Variants in SH2B3 observed in about 807,000 individuals in gnomAD.
SH2B3 encodes SH2B adaptor protein 3, also known as SH2B adapter protein 3.
A neutral mutation model predicts 51.9 loss-of-function variants in SH2B3; 43 were observed. The ratio of observed to expected loss-of-function variants is 0.83; its 90% CI spans 0.65 to 1.07. The LOEUF (loss-of-function observed/expected upper bound fraction) is 1.07. Among genes scored for constraint, SH2B3 ranks in the 50% least tolerant of loss-of-function variants. The pLI, the probability that SH2B3 is intolerant of heterozygous loss-of-function variation, is 0.00. For missense variants in SH2B3, 952 were observed against 834.3 expected (o/e 1.14, Z -1.74); for synonymous variants, 396 against 376.0 (o/e 1.05, Z -0.62).
In SH2B3 at chr12:111,416,017, C is replaced by T. The variant is rs541736226; in HGVS notation, c.-27-2102C>T. On this transcript the variant is annotated intron_variant, in intron 1 of 7. Coordinates refer to ENST00000341259, the MANE Select transcript of SH2B3 (RefSeq NM_005475.3). The stretch of plus-strand genomic sequence containing the variant: ...AGTCCAGTGGCGTGATCTCGGCTCA[C>T]TGCAAGCTCCGCCTCCCGGGTTCAT... 3.9e-5 allele frequency among the ~76,000 whole-genome samples: 6 copies of T among 152,244 alleles called. No individual in the cohort carries two copies. In the South Asian group the frequency reaches 1.2e-3, roughly 32 times the overall value.
rs1870533152 is a variant in SH2B3, at chr12:111,409,683, G to T, written c.-28+3406G>T. Among the ~76,000 whole-genome samples, 1 of 152,148 alleles carries T rather than the reference G, an allele frequency of 6.6e-6. No homozygotes were observed. The highest frequency in any genetic ancestry group is 6.5e-5 in the Admixed American group (1 of 15,278). On this transcript the variant is annotated intron_variant, in intron 1 of 7. Transcript: ENST00000341259. This position sits in a 1 kb window ranked among gnomAD's most constrained non-coding sequence, Gnocchi z 4.0. ...TGCACCCCACCTCCCCAGCTTCCCGGGGCTTGAGATCCCTTGGAGACTGAG... is the reference window on the plus strand; with the variant it reads ...TGCACCCCACCTCCCCAGCTTCCCGTGGCTTGAGATCCCTTGGAGACTGAG...
chr12:111,411,528 G>A (rs529767399), intron 1 of SH2B3, among the ~76,000 whole-genome samples: 23 of 152,116 alleles, frequency 1.5e-4, no homozygotes, highest in Non-Finnish European at 2.4e-4. Flanking sequence ...TGATCTCAGC[G>A]GGGCATGGAT....
chr12:111,435,041 A>G lies in SH2B3; in HGVS notation c.733-11712A>G, dbSNP rs901064907. Reference sequence around the variant, plus strand: ...CGTTCTTCGAAGGCAGGCAGTAGCTACCGTTGTCTGGGGCTTTGGGGATCT... The same window carrying G: ...CGTTCTTCGAAGGCAGGCAGTAGCTGCCGTTGTCTGGGGCTTTGGGGATCT... On this transcript the variant is annotated intron_variant, in intron 2 of 7. Transcript: ENST00000341259. This position sits in a 1 kb window ranked among gnomAD's most constrained non-coding sequence, Gnocchi z 4.8. 1 of 1,529,494 alleles carries G rather than the reference A, an allele frequency of 6.5e-7. No homozygotes were observed. Among genetic ancestry groups the G allele is most frequent in the East Asian group, 2.5e-5 (1 of 40,724 alleles). 94.7% of individuals were successfully genotyped at this position (1,529,494 alleles called of 1,614,324 possible).
chr12:111,426,351 T>C (rs1871994844), intron 2 of SH2B3, among the ~76,000 whole-genome samples: 1 of 152,066 alleles, frequency 6.6e-6, no homozygotes, highest in African/African-American at 2.4e-5. Context: ...ATGACCCACC[T>C]TGAGGAAGAA....
chr12:111,412,842 A>T (rs1352758357), intron 1 of SH2B3, among the ~76,000 whole-genome samples: 1 of 152,082 alleles, frequency 6.6e-6, no homozygotes, highest in African/African-American at 2.4e-5. Context: ...AGGTATTGAG[A>T]TTATAGGTGT....
chr12:111,413,637 G>T (rs1870872941), intron 1 of SH2B3, among the ~76,000 whole-genome samples: 1 of 152,236 alleles, frequency 6.6e-6, no homozygotes, highest in South Asian at 2.1e-4. Context: ...GGCCCAGGGG[G>T]CGGGGGAGGT....
intron 2 of SH2B3, chr12:111,434,830 T>C (rs1593060105): frequency 1.3e-6 from 2 of 1,523,586 alleles, no homozygotes; most frequent in Non-Finnish European, 1.8e-6. Flanking sequence ...GCCTGTGACA[T>C]GGTAAACGTT....
chr12:111,435,550 G>A lies in SH2B3; in HGVS notation c.733-11203G>A, dbSNP rs1872794193. ...ATTTTTGAATTTTTAGTAGAGGCAG[G>A]GTTTCACCATGTTGGCCAGGCTGGT... is the stretch of plus-strand genomic sequence containing the variant. On this transcript the variant is annotated intron_variant, in intron 2 of 7. Transcript: ENST00000341259. This position sits in a 1 kb window ranked among gnomAD's most constrained non-coding sequence, Gnocchi z 4.8. Among the ~76,000 whole-genome samples the A allele has an allele frequency of 6.6e-6, 1 of 152,208 alleles. No homozygotes were observed. Among genetic ancestry groups the A allele is most frequent in the South Asian group, 2.1e-4 (1 of 4,830 alleles).
In SH2B3 at chr12:111,406,282, G is replaced by A. The variant is rs572454376; in HGVS notation, c.-28+5G>A. ...CCCAGAGCTCCTGTCTCTCAGGTGAGCCCGCGTTTGCCCGCGCTCCCCTCC... is the reference window on the plus strand; with the variant it reads ...CCCAGAGCTCCTGTCTCTCAGGTGAACCCGCGTTTGCCCGCGCTCCCCTCC... On this transcript the variant is annotated splice_donor_5th_base_variant and intron_variant, in intron 1 of 7. Coordinates refer to ENST00000341259, the MANE Select transcript of SH2B3 (RefSeq NM_005475.3). The surrounding 1 kb of genome is among the most constrained non-coding windows in gnomAD (Gnocchi z 5.7). The A allele has an allele frequency of 2.9e-3, 437 of 152,302 alleles. No individual in the cohort carries two copies. The highest frequency in any genetic ancestry group is 4.1e-3 in the Non-Finnish European group (281 of 68,026). 9.4% of individuals were successfully genotyped at this position (152,302 alleles called of 1,614,324 possible). A position where few individuals can be genotyped will look rare whatever the true frequency, so the allele number is the denominator to read the frequency against.
chr12:111,442,569 G>A (rs186818373), intron 2 of SH2B3, among the ~76,000 whole-genome samples: 173 of 152,332 alleles, frequency 1.1e-3, no homozygotes, highest in Middle Eastern at 0.01. Flanking sequence ...CTCTCCCCAA[G>A]GCTGGTCTGG....
At position 111,409,444 on chromosome 12, in the gene SH2B3, T is replaced by G. The variant is rs769100009; in HGVS notation, c.-28+3167T>G. Among the ~76,000 whole-genome samples, 12 of 152,176 alleles carry G rather than the reference T, an allele frequency of 7.9e-5. No homozygotes were observed. Among genetic ancestry groups the G allele is most frequent in the Non-Finnish European group, 1.8e-4 (12 of 68,014 alleles). ...AAGGGCCCGCGGGCGTTCAGCATCT[T>G]TGACGAGGCAGGGCAGGAAGCCGCT... On this transcript the variant is annotated intron_variant, in intron 1 of 7. Transcript: ENST00000341259. The surrounding 1 kb of genome is among the most constrained non-coding windows in gnomAD (Gnocchi z 4.0).
chr12:111,406,777 A>G lies in SH2B3; in HGVS notation c.-28+500A>G, dbSNP rs1722372120. Among the ~76,000 whole-genome samples, 1 of 152,140 alleles carries G rather than the reference A, an allele frequency of 6.6e-6. No individual in the cohort carries two copies. The highest frequency in any genetic ancestry group is 6.5e-5 in the Admixed American group (1 of 15,274). On this transcript the variant is annotated intron_variant, in intron 1 of 7. Transcript: ENST00000341259. The surrounding 1 kb of genome is among the most constrained non-coding windows in gnomAD (Gnocchi z 5.7). ...ATGTGGCTAAGAGGGTAGCGCCCTG[A>G]TTCAGGAAGCCCCTCTCCCCAGTTC...
In SH2B3 at chr12:111,418,819, G is replaced by GCCGGGCC. The variant is rs1217776433; in HGVS notation, c.685_691dup (p.Asp231GlyfsTer39). 1.1e-5 allele frequency: 15 copies of GCCGGGCC among 1,427,730 alleles called. No homozygotes were observed. Among genetic ancestry groups the GCCGGGCC allele is most frequent in the African/African-American group, 3.0e-5 (2 of 65,856 alleles). The allele number at this position is 1,427,730 out of a possible 1,614,324, so 88.4% of individuals were successfully genotyped here. On this transcript the variant is annotated frameshift_variant, in exon 2 of 8. Transcript: ENST00000341259. LOFTEE classifies it high-confidence loss of function. The surrounding 1 kb of genome is among the most constrained non-coding windows in gnomAD (Gnocchi z 6.7). Reference sequence around the variant, plus strand: ...TGGCAGCGCGGGAGGCTGGCGCTGCGCCGGGCCCCGGGCCCCGATGGCCCC... The same window carrying GCCGGGCC: ...TGGCAGCGCGGGAGGCTGGCGCTGCGCCGGGCCCCGGGCCCCGGGCCCCGATGGCCCC...
At chr12:111,430,064 T>C (rs940576136) in intron 2 of SH2B3, among the ~76,000 whole-genome samples, 5 of 152,156 alleles carry the variant, frequency 3.3e-5, no homozygotes, top group Non-Finnish European at 7.3e-5. Flanking sequence ...CGGCAGAGGC[T>C]CCTGGGGTAG....
At chr12:111,434,812 G>A in intron 2 of SH2B3, 1 of 1,508,696 alleles carries the variant, frequency 6.6e-7, no homozygotes, top group East Asian at 2.5e-5. Context: ...GAGAGGCTGT[G>A]TGTCAAGGCC....
chr12:111,424,293 C>A (rs1034630636), intron 2 of SH2B3, among the ~76,000 whole-genome samples: 1 of 151,910 alleles, frequency 6.6e-6, no homozygotes, highest in Admixed American at 6.6e-5. Context: ...TAGTTCCTAC[C>A]CCATAGGGCT....
At position 111,418,313 on chromosome 12, in the gene SH2B3, G is replaced by A. The variant is rs1322124956; in HGVS notation, c.168G>A (p.Ala56=). ...WLFAREHPQH[A]PLRAELVSLQ... is the part of the protein sequence containing the mutation. ...TCGCCCGGGAGCATCCGCAGCACGC[G>A]CCGCTGCGCGCCGAGCTGGTGTCGC... Residue 56 remains alanine (A), a synonymous_variant, in exon 2 of 8, where the codon GCG becomes GCA. Coordinates refer to ENST00000341259, the MANE Select transcript of SH2B3 (RefSeq NM_005475.3). This position sits in a 1 kb window ranked among gnomAD's most constrained non-coding sequence, Gnocchi z 6.7. The A allele has an allele frequency of 1.3e-6, 2 of 1,527,364 alleles. No homozygotes were observed. Among genetic ancestry groups the A allele is most frequent in the Middle Eastern group, 1.9e-4 (1 of 5,168 alleles). 94.6% of individuals were successfully genotyped at this position (1,527,364 alleles called of 1,614,324 possible). A position where few individuals can be genotyped will look rare whatever the true frequency, so the allele number is the denominator to read the frequency against.
At chr12:111,444,285 A>G (rs1873711881) in intron 2 of SH2B3, 1 of 152,158 alleles carries the variant, frequency 6.6e-6, no homozygotes, top group Non-Finnish European at 1.5e-5. Context: ...TACAAGTCCT[A>G]CCGTTGGGGT....
Position 111,418,241 on chromosome 12 carries a change from GCACGC to G in SH2B3, c.98_102del (p.His33ArgfsTer88). 1 of 1,554,978 alleles carries G rather than the reference GCACGC, an allele frequency of 6.4e-7. No individual in the cohort carries two copies. The highest frequency in any genetic ancestry group is 8.6e-7 in the Non-Finnish European group (1 of 1,159,260). On this transcript the variant is annotated frameshift_variant, in exon 2 of 8. Transcript: ENST00000341259. LOFTEE classifies it high-confidence loss of function. This position sits in a 1 kb window ranked among gnomAD's most constrained non-coding sequence, Gnocchi z 6.7. ...GGGGCTGGAGCGAGTTCTGTGAGTT[GCACGC>G]CGTAGCGGCGGCCCGGGAGCTGGCC...
Sources: allele counts gnomAD v4.1 joint callset (sites outside exome capture counted in the v4.1 genomes callset), GRCh38; gene constraint gnomAD v4.1.1; non-coding constraint Gnocchi (gnomAD v3.1); transcripts MANE v1.5; gene names NCBI Gene and HGNC (gene_info 2026-07-23, HGNC 2026-07-21).